VWA3B: variants seen among roughly 807,000 people sequenced by gnomAD.
VWA3B encodes von Willebrand factor A domain containing 3B, also known as von Willebrand factor A domain-containing protein 3B.
VWA3B carries 138 observed loss-of-function variants against 158.3 expected under a neutral mutation model. The ratio of observed to expected loss-of-function variants is 0.87; its 90% CI spans 0.76 to 1.00. The LOEUF (loss-of-function observed/expected upper bound fraction) is 1.00. Ranked by LOEUF, VWA3B falls within the 50% of genes least tolerant of loss-of-function variation. VWA3B has a pLI of 0.00. For missense variants in VWA3B, 1,555 were observed against 1,565.1 expected (o/e 0.99, Z 0.11); for synonymous variants, 596 against 587.3 (o/e 1.01, Z -0.21).
chr2:98,178,521 G>A (rs1160483377), intron 8 of VWA3B, among the ~76,000 whole-genome samples: 1 of 152,164 alleles, frequency 6.6e-6, no homozygotes, highest in Non-Finnish European at 1.5e-5. Flanking sequence ...TATAGTAATA[G>A]GAAAGCCTGG....
chr2:98,234,523 T>A, intron 16 of VWA3B, 125 bp from the exon 17 acceptor site: 1 of 1,403,488 alleles, frequency 7.1e-7, no homozygotes, highest in Non-Finnish European at 9.6e-7. Flanking sequence ...GGCAGCACCA[T>A]CCTCAGAGGG....
intron 7 of VWA3B, among the ~76,000 whole-genome samples, chr2:98,145,469 T>A (rs922076340): frequency 2.7e-4 from 41 of 152,236 alleles, no homozygotes; most frequent in African/African-American, 9.4e-4. Context: ...CATGGCAGAG[T>A]CAGGATTCAA....
chr2:98,123,157 C>A (rs569051384), intron 5 of VWA3B, among the ~76,000 whole-genome samples: 1 of 152,176 alleles, frequency 6.6e-6, no homozygotes, highest in Admixed American at 6.5e-5. Flanking sequence ...CCCATCCCAG[C>A]GAGTTCTGAA....
chr2:98,321,406 ACAG>A, the VWA3B span, among the ~76,000 whole-genome samples: 1 of 152,182 alleles, frequency 6.6e-6, no homozygotes, highest in Non-Finnish European at 1.5e-5. Context: ...AGGTCCACCA[ACAG>A]CTTGCACCAT....
rs35198975 is a variant in VWA3B, at chr2:98,133,912, AG to A, written c.963del (p.Lys322AsnfsTer2). 6.8e-6 allele frequency: 11 copies of A among 1,614,198 alleles called. No homozygotes were observed. Among genetic ancestry groups the A allele is most frequent in the Non-Finnish European group, 8.5e-6 (10 of 1,180,028 alleles). On this transcript the variant is annotated frameshift_variant, in exon 7 of 28. Transcript: ENST00000477737. LOFTEE classifies it high-confidence loss of function. ...DGDNVMTWNS[R>X]KLKGKLPPGA... ...TGACAATGTGATGACTTGGAATTCAAGGAAACTGAAAGGAAAACTCCCTCCA... is the reference window on the plus strand; with the variant it reads ...TGACAATGTGATGACTTGGAATTCAAGAAACTGAAAGGAAAACTCCCTCCA...
chr2:98,216,551 G>A (rs764637191), intron 13 of VWA3B, among the ~76,000 whole-genome samples: 6 of 152,190 alleles, frequency 3.9e-5, no homozygotes, highest in East Asian at 1.9e-4. Context: ...ATGGAATCTC[G>A]GCCTTTCTTG....
intron 26 of VWA3B, among the ~76,000 whole-genome samples, chr2:98,304,420 GA>G (rs1690388958): frequency 6.6e-6 from 1 of 152,156 alleles, no homozygotes; most frequent in Non-Finnish European, 1.5e-5. Context: ...AAAAAGAGAT[GA>G]AGTTGGATGT....
chr2:98,243,671 T>G (rs745432449), intron 19 of VWA3B, among the ~76,000 whole-genome samples: 3 of 152,304 alleles, frequency 2.0e-5, no homozygotes, highest in Non-Finnish European at 2.9e-5. Flanking sequence ...ATGAATGATC[T>G]TACTGACATG....
At chr2:98,097,650 A>T (rs1287162939) in intron 2 of VWA3B, among the ~76,000 whole-genome samples, 1 of 152,170 alleles carries the variant, frequency 6.6e-6, no homozygotes, top group African/African-American at 2.4e-5. Context: ...AAAATAGTAG[A>T]TCTACATGTA....
chr2:98,289,220 C>T (rs987242803), intron 22 of VWA3B, among the ~76,000 whole-genome samples: 2 of 152,148 alleles, frequency 1.3e-5, no homozygotes, highest in African/African-American at 4.8e-5. Flanking sequence ...TATATGCATG[C>T]TTGTATATCT....
intron 21 of VWA3B, among the ~76,000 whole-genome samples, chr2:98,257,263 GTGCTGCAAATGATATTAAGT>G (rs1558734490): frequency 6.6e-6 from 1 of 152,044 alleles, no homozygotes; most frequent in Admixed American, 6.5e-5. Flanking sequence ...ATGATATTAA[GTGCTGCAAATGATATTAAGT>G]TGCTGCAAAT....
intron 12 of VWA3B, among the ~76,000 whole-genome samples, chr2:98,202,510 CCTG>C (rs1682636273): frequency 6.6e-6 from 1 of 151,038 alleles, no homozygotes; most frequent in Non-Finnish European, 1.5e-5. Context: ...TGTGTTGATT[CCTG>C]CTATCTTTAT....
rs765044132 is a variant in VWA3B, at chr2:98,119,654, G to GT, written c.434dup (p.Leu146AlafsTer12). ...CATCTTGGAACAGTGCGTCACCATA[G>GT]TGCTGGATTTTGGCGGCATTCTGGA... is the stretch of plus-strand genomic sequence containing the variant. On this transcript the variant is annotated frameshift_variant, in exon 4 of 28. Coordinates refer to ENST00000477737, the MANE Select transcript of VWA3B (RefSeq NM_144992.5). LOFTEE classifies it high-confidence loss of function. 10 of 1,614,156 alleles carry GT rather than the reference G, an allele frequency of 6.2e-6. No individual in the cohort carries two copies. Among genetic ancestry groups the GT allele is most frequent in the Non-Finnish European group, 7.6e-6 (9 of 1,180,038 alleles).
chr2:98,154,356 G>T (rs1677884035), intron 7 of VWA3B, among the ~76,000 whole-genome samples: 1 of 152,178 alleles, frequency 6.6e-6, no homozygotes. Context: ...TGACTTAGGG[G>T]TTGTTCCTTC....
chr2:98,135,932 C>T (rs922750868), intron 7 of VWA3B, among the ~76,000 whole-genome samples: 7 of 152,328 alleles, frequency 4.6e-5, no homozygotes, highest in Admixed American at 6.5e-5. Context: ...CCACATCAGC[C>T]GTTTCACGCA....
At chr2:98,301,367 G>T (rs945175168) in intron 25 of VWA3B, among the ~76,000 whole-genome samples, 1 of 151,876 alleles carries the variant, frequency 6.6e-6, no homozygotes, top group Non-Finnish European at 1.5e-5. Context: ...TTTATTGGTT[G>T]TCTGACCTGA....
chr2:98,277,645 C>G (rs1688603148), intron 22 of VWA3B, among the ~76,000 whole-genome samples: 1 of 152,160 alleles, frequency 6.6e-6, no homozygotes, highest in African/African-American at 2.4e-5. Flanking sequence ...AAGCTGGAGC[C>G]TATGGCCTTC....
chr2:98,272,808 G>A (rs1287564259), intron 22 of VWA3B, among the ~76,000 whole-genome samples: 1 of 152,186 alleles, frequency 6.6e-6, no homozygotes, highest in Admixed American at 6.5e-5. Flanking sequence ...GCTAGACCAT[G>A]AGGGCTCTGG....
intron 7 of VWA3B, among the ~76,000 whole-genome samples, chr2:98,143,272 C>T (rs370398222): frequency 1.3e-5 from 2 of 152,156 alleles, no homozygotes; most frequent in African/African-American, 4.8e-5. Context: ...CTCCTGACCT[C>T]AAGTGATCCA....
Sources: allele counts gnomAD v4.1 joint callset (sites outside exome capture counted in the v4.1 genomes callset), GRCh38; gene constraint gnomAD v4.1.1; transcripts MANE v1.5; gene names NCBI Gene and HGNC (gene_info 2026-07-23, HGNC 2026-07-21).